Variants in PLCB4 observed in about 807,000 individuals in gnomAD.
PLCB4 encodes 1-phosphatidylinositol 4,5-bisphosphate phosphodiesterase beta-4.
In PLCB4, 77 loss-of-function variants were observed where a neutral mutation model predicts 178.8. The ratio of observed to expected loss-of-function variants is 0.43; its 90% CI spans 0.36 to 0.52. The LOEUF (loss-of-function observed/expected upper bound fraction) is 0.52. PLCB4 is among the 20% of genes least tolerant of loss of function. The pLI, the probability that PLCB4 is intolerant of heterozygous loss-of-function variation, is 0.00. For synonymous variants in PLCB4, 496 were observed against 490.8 expected (o/e 1.01, Z -0.14); for missense variants, 1,024 against 1,453.4 (o/e 0.70, Z 4.80).
chr20:9,146,167 C>A (rs1251357691), intron 2 of PLCB4, among the ~76,000 whole-genome samples: 1 of 152,068 alleles, frequency 6.6e-6, no homozygotes, highest in Non-Finnish European at 1.5e-5. Flanking sequence ...TCTGCCCCAG[C>A]CAGCATCAAA....
chr20:9,278,534 A>T (rs1163880916), intron 3 of PLCB4, among the ~76,000 whole-genome samples: 1 of 152,044 alleles, frequency 6.6e-6, no homozygotes, highest in Non-Finnish European at 1.5e-5. Flanking sequence ...TTTGCTTATT[A>T]ATTTATCCAT....
At chr20:9,439,768 T>C (rs886985753) in intron 30 of PLCB4, among the ~76,000 whole-genome samples, 7 of 152,176 alleles carry the variant, frequency 4.6e-5, no homozygotes, top group African/African-American at 1.7e-4. Context: ...AAGTACAGCT[T>C]AGGGAGTTGC....
intron 7 of PLCB4, among the ~76,000 whole-genome samples, chr20:9,340,678 A>G (rs1303087720): frequency 6.6e-6 from 1 of 152,116 alleles, no homozygotes; most frequent in Non-Finnish European, 1.5e-5. Flanking sequence ...GAGCTCAAGT[A>G]TTGGGGCTTT....
intron 3 of PLCB4, among the ~76,000 whole-genome samples, chr20:9,286,210 T>C (rs1274516445): frequency 1.3e-5 from 2 of 151,998 alleles, no homozygotes; most frequent in Admixed American, 6.6e-5. Flanking sequence ...CCATCTACTT[T>C]TAAATTCTTG....
intron 2 of PLCB4, among the ~76,000 whole-genome samples, chr20:9,152,682 A>T (rs1224115967): frequency 6.6e-6 from 1 of 152,156 alleles, no homozygotes; most frequent in African/African-American, 2.4e-5. Context: ...GTGGAAGGGA[A>T]TGGGGTCAGA....
intron 12 of PLCB4, among the ~76,000 whole-genome samples, chr20:9,379,225 T>C (rs913483394): frequency 1.3e-5 from 2 of 152,062 alleles, no homozygotes; most frequent in Admixed American, 6.6e-5. Context: ...ACACACACTA[T>C]TGGAGCTGAG....
rs563051344 is a variant in PLCB4 at position 9,355,645 on chromosome 20, C to T, written c.370-7251C>T. On this transcript the variant is annotated intron_variant, in intron 7 of 39. Coordinates refer to ENST00000378473, the MANE Select transcript of PLCB4 (RefSeq NM_001377142.1). The stretch of plus-strand genomic sequence containing the variant: ...ATGAACTCATCATTTTTTATGGCTG[C>T]ATAGTATTCCATGGTGTATATGTGC... Among the ~76,000 whole-genome samples the T allele has an allele frequency of 8.7e-3, 1,325 of 151,990 alleles. 15 individuals are homozygous for T. Among genetic ancestry groups the T allele is most frequent in the African/African-American group, 0.03 (1,246 of 41,430 alleles).
At chr20:9,460,384 G>C (rs2043316161) in intron 35 of PLCB4, among the ~76,000 whole-genome samples, 1 of 152,162 alleles carries the variant, frequency 6.6e-6, no homozygotes, top group South Asian at 2.1e-4. Context: ...CTCCTAGAGT[G>C]ACCAGGTTCT....
At chr20:9,102,285 C>T (rs1351903834) in intron 2 of PLCB4, among the ~76,000 whole-genome samples, 1 of 152,130 alleles carries the variant, frequency 6.6e-6, no homozygotes, top group Non-Finnish European at 1.5e-5. Flanking sequence ...AAACATTTCC[C>T]AGGCTTAATA....
chr20:9,226,046 A>G (rs1221801710), intron 3 of PLCB4, among the ~76,000 whole-genome samples: 1 of 152,078 alleles, frequency 6.6e-6, no homozygotes, highest in African/African-American at 2.4e-5. Context: ...ATTCCTTTCC[A>G]TATTTTGTGG....
chr20:9,218,660 C>T (rs1884895), intron 3 of PLCB4, among the ~76,000 whole-genome samples: 6,112 of 152,230 alleles, frequency 0.04, 261 homozygotes, highest in African/African-American at 0.11. Flanking sequence ...GATTTTCTTC[C>T]GGCCTTTCCA....
At chr20:9,087,140 A>T (rs780764743) in intron 1 of PLCB4, among the ~76,000 whole-genome samples, 1 of 152,218 alleles carries the variant, frequency 6.6e-6, no homozygotes, top group African/African-American at 2.4e-5. Flanking sequence ...AATCTTTGCC[A>T]TATAGATGGA....
At chr20:9,412,021 T>C (rs1238091031) in intron 25 of PLCB4, among the ~76,000 whole-genome samples, 6 of 152,204 alleles carry the variant, frequency 3.9e-5, no homozygotes, top group African/African-American at 1.2e-4. Flanking sequence ...TGGTGAATGG[T>C]TCTCTGCCAA....
chr20:9,245,956 T>G, intron 3 of PLCB4, among the ~76,000 whole-genome samples: 1 of 152,056 alleles, frequency 6.6e-6, no homozygotes, highest in East Asian at 1.9e-4. Context: ...TTAAGCTGTC[T>G]AGTTGGTGGT....
chr20:9,260,473 T>G (rs977139727), intron 3 of PLCB4, among the ~76,000 whole-genome samples: 14 of 152,162 alleles, frequency 9.2e-5, no homozygotes, highest in African/African-American at 2.9e-4. Context: ...CTTTGAGAAA[T>G]GTATTCTGTA....
At chr20:9,181,210 G>T (rs1313788739) in intron 2 of PLCB4, among the ~76,000 whole-genome samples, 2 of 152,100 alleles carry the variant, frequency 1.3e-5, no homozygotes, top group African/African-American at 4.8e-5. Flanking sequence ...TAGTCTTTTT[G>T]AGACCTCCCA....
intron 2 of PLCB4, among the ~76,000 whole-genome samples, chr20:9,165,491 A>C: frequency 6.6e-6 from 1 of 152,326 alleles, no homozygotes; most frequent in South Asian, 2.1e-4. Flanking sequence ...GGCATTTTCC[A>C]AATCTTTCTC....
At chr20:9,086,599 A>G (rs2090433508) in intron 1 of PLCB4, among the ~76,000 whole-genome samples, 1 of 152,146 alleles carries the variant, frequency 6.6e-6, no homozygotes, top group Non-Finnish European at 1.5e-5. Context: ...GTAGCGCCTC[A>G]GCTGGAGTCA....
intron 27 of PLCB4, 26 bp from the exon 28 acceptor site, chr20:9,423,722 C>G (rs889372611): frequency 6.3e-7 from 1 of 1,590,528 alleles, no homozygotes; most frequent in African/African-American, 1.3e-5. Flanking sequence ...TTGGAAAAAT[C>G]AGTGAAAGTC....
Sources: gnomAD v4.1 joint callset for allele counts (sites outside exome capture counted in the v4.1 genomes callset) on GRCh38, gnomAD v4.1.1 for gene constraint, MANE v1.5 for transcripts, NCBI Gene and HGNC (gene_info 2026-07-23, HGNC 2026-07-21) for gene names.